SPOCD1: variants seen among roughly 807,000 people sequenced by gnomAD.
The protein encoded by SPOCD1 is SPOC domain-containing protein 1.
SPOCD1 carries 64 observed loss-of-function variants against 92.2 expected under a neutral mutation model. The ratio of observed to expected loss-of-function variants is 0.69; its 90% CI spans 0.57 to 0.86. The LOEUF (loss-of-function observed/expected upper bound fraction) is 0.86, where lower values mean the gene tolerates loss of function less well. Ranked by LOEUF, SPOCD1 falls within the 40% of genes least tolerant of loss-of-function variation. The pLI is 0.00. For synonymous variants in SPOCD1, 578 were observed against 619.3 expected (o/e 0.93, Z 0.99); for missense variants, 1,360 against 1,543.1 (o/e 0.88, Z 1.99).
chr1:31,807,690 C>T (rs548012132), intron 2 of SPOCD1, among the ~76,000 whole-genome samples: 4 of 151,726 alleles, frequency 2.6e-5, no homozygotes, highest in East Asian at 3.9e-4. Flanking sequence ...TGACAACAAA[C>T]ATATAGTGGA....
chr1:31,793,347 G>A lies in SPOCD1; in HGVS notation c.2616C>T (p.Asp872=), dbSNP rs1408744039. The change falls in exon 13 of 16, where the codon GAC becomes GAT. Residue 872 remains aspartate, a synonymous_variant. Coordinates refer to ENST00000360482, the MANE Select transcript of SPOCD1 (RefSeq NM_144569.7). Reference sequence around the variant, plus strand: ...CCCGGAACCGCTTGATGGAGAACATGTCCAGAACACCTTCCCAGGGTGGCA... The same window carrying A: ...CCCGGAACCGCTTGATGGAGAACATATCCAGAACACCTTCCCAGGGTGGCA... The part of the protein sequence containing the change: ...PCLPPWEGVL[D]MFSIKRFRAR... 4 of 1,591,970 alleles carry A rather than the reference G, an allele frequency of 2.5e-6. No homozygotes were observed. The African/African-American group carries it at 4.0e-5, about 16-fold the overall frequency.
intron 1 of SPOCD1, 44 bp from the exon 2 acceptor site, chr1:31,815,416 A>C: frequency 7.2e-7 from 1 of 1,392,332 alleles, no homozygotes; most frequent in East Asian, 2.4e-5. Flanking sequence ...GGAGAGTCCG[A>C]CCTGTCAGCC....
At chr1:31,792,038 TG>T in intron 15 of SPOCD1, 176 bp downstream of exon 15, 1 of 661,872 alleles carries the variant, frequency 1.5e-6, no homozygotes, top group Non-Finnish European at 2.6e-6. Flanking sequence ...ATGGCTGGCA[TG>T]CAGTTCATGA....
chr1:31,809,507 G>A (rs1434387060), intron 2 of SPOCD1, among the ~76,000 whole-genome samples: 1 of 149,062 alleles, frequency 6.7e-6, no homozygotes, highest in Non-Finnish European at 1.5e-5. Context: ...AACTATCACA[G>A]CAGCACTATA....
chr1:31,815,918 A>T (rs1649535656), intron 1 of SPOCD1, 43 bp downstream of exon 1: 1 of 123,898 alleles, frequency 8.1e-6, no homozygotes, highest in Admixed American at 7.7e-5. Context: ...ACAGTCCCCC[A>T]GCATCCAAGA....
Position 31,798,554 on chromosome 1 carries a change from C to A in SPOCD1, c.1916G>T (p.Gly639Val), listed in dbSNP as rs756285560. Residue 639 changes from glycine (G) to valine (V), a missense_variant, in exon 8 of 16, where the codon GGC (glycine) becomes GTC (valine). By Grantham distance (109) the Gly-to-Val change is moderately radical (BLOSUM62 -3). Around this residue, in one of 3 missense-constraint regions of SPOCD1, gnomAD observed 614 missense variants for 757.8 expected, o/e 0.81. Coordinates refer to ENST00000360482, the MANE Select transcript of SPOCD1 (RefSeq NM_144569.7). This position sits in a 1 kb window ranked among gnomAD's most constrained non-coding sequence, Gnocchi z 4.1. The stretch of plus-strand genomic sequence containing the variant: ...GGCTGCCTCAATGCCAGCAGCAATG[C>A]CCTCCACCACCTCCTCACTCAGCAC... Reference protein sequence around the residue: ...DPVLSEEVVEGIAAGIEAALW... With the variant: ...DPVLSEEVVEVIAAGIEAALW... 1 of 1,613,660 alleles carries A rather than the reference C, an allele frequency of 6.2e-7. No homozygotes were observed. The highest frequency in any genetic ancestry group is 8.5e-7 in the Non-Finnish European group (1 of 1,179,986).
intron 11 of SPOCD1, 98 bp downstream of exon 11, chr1:31,794,026 C>T (rs1048915814): frequency 6.6e-7 from 1 of 1,506,960 alleles, no homozygotes; most frequent in Non-Finnish European, 9.1e-7. Context: ...CCTGCTCTGC[C>T]ACCCTCTCCC....
intron 2 of SPOCD1, among the ~76,000 whole-genome samples, chr1:31,802,454 C>A (rs1030786368): frequency 6.6e-6 from 1 of 152,152 alleles, no homozygotes; most frequent in African/African-American, 2.4e-5. Flanking sequence ...AGTATTAGAA[C>A]CTAGCTCTGT....
Position 31,798,528 on chromosome 1 carries a change from G to A in SPOCD1, c.1942C>T (p.Leu648Phe). 1.2e-6 allele frequency: 2 copies of A among 1,613,908 alleles called. No homozygotes were observed. The highest frequency in any genetic ancestry group is 1.7e-6 in the Non-Finnish European group (2 of 1,180,032). ...EGIAAGIEAALWDLTQGTNGR... is the reference protein window; with the variant it reads ...EGIAAGIEAAFWDLTQGTNGR... ...TTGGTGCCTTGTGTCAGGTCCCAGA[G>A]GGCTGCCTCAATGCCAGCAGCAATG... Residue 648 changes from leucine (L) to phenylalanine (F), a missense_variant, in exon 8 of 16, where the codon CTC (leucine) becomes TTC (phenylalanine). Physicochemically the swap from Leu to Phe is conservative, Grantham distance 22. Coordinates refer to ENST00000360482, the MANE Select transcript of SPOCD1 (RefSeq NM_144569.7). The surrounding 1 kb of genome is among the most constrained non-coding windows in gnomAD (Gnocchi z 4.1).
In SPOCD1 at chr1:31,814,523, G is replaced by A. The variant is rs745406369; in HGVS notation, c.811C>T (p.Pro271Ser). The A allele has an allele frequency of 6.5e-7, 1 of 1,537,782 alleles. No individual in the cohort carries two copies. Among genetic ancestry groups the A allele is most frequent in the South Asian group, 1.3e-5 (1 of 78,700 alleles). Residue 271 changes from proline to serine, a missense_variant, in exon 2 of 16, where the codon CCA (proline) becomes TCA (serine). Coordinates refer to ENST00000360482, the MANE Select transcript of SPOCD1 (RefSeq NM_144569.7). This position sits in a 1 kb window ranked among gnomAD's most constrained non-coding sequence, Gnocchi z 4.2. ...PKDTGSGPGE[P>S]GGSGAGCASG... ...GCACATCCTGCCCCACTTCCACCTG[G>A]CTCTCCAGGCCCAGACCCAGTGTCT...
chr1:31,804,969 T>TTTTC (rs1328456612), intron 2 of SPOCD1, among the ~76,000 whole-genome samples: 4 of 121,842 alleles, frequency 3.3e-5, no homozygotes, highest in South Asian at 2.9e-4. Context: ...CAAATTTCTT[T>TTTTC]TTTCTTTCTT....
rs1376428303 is a variant in SPOCD1 at position 31,814,273 on chromosome 1, C to T, written c.1061G>A (p.Gly354Asp). 6.3e-7 allele frequency: 1 copy of T among 1,580,818 alleles called. No individual in the cohort carries two copies. Among genetic ancestry groups the T allele is most frequent in the South Asian group, 1.1e-5 (1 of 87,930 alleles). The part of the protein sequence containing the change: ...VCVVRTGSDE[G>D]QAPAQDQEEL... ...CTCCTGGTCCTGTGCTGGAGCCTGG[C>T]CTTCATCGCTGCCAGTCCGCACGAC... is the stretch of plus-strand genomic sequence containing the variant. Residue 354 changes from glycine to aspartate, a missense_variant, in exon 2 of 16, where the codon GGC (glycine) becomes GAC (aspartate). Physicochemically the swap from Gly to Asp is moderately conservative, Grantham distance 94 (BLOSUM62 -1). This residue lies in a region of SPOCD1 where 606 missense variants were observed against 601.5 expected (regional missense o/e 1.01). Transcript: ENST00000360482. The surrounding 1 kb of genome is among the most constrained non-coding windows in gnomAD (Gnocchi z 4.2).
intron 2 of SPOCD1, 62 bp from the exon 3 acceptor site, chr1:31,801,767 A>G: frequency 7.4e-7 from 1 of 1,345,156 alleles, no homozygotes; most frequent in Non-Finnish European, 1.1e-6. Flanking sequence ...CATGGCAGGG[A>G]ATTCACAAAA....
intron 2 of SPOCD1, among the ~76,000 whole-genome samples, chr1:31,802,775 T>C (rs750622639): frequency 6.6e-6 from 1 of 152,140 alleles, no homozygotes; most frequent in African/African-American, 2.4e-5. Context: ...TTCAGAACAA[T>C]ACGTGTGGTG....
At position 31,794,236 on chromosome 1, in the gene SPOCD1, C is replaced by T; in HGVS notation, c.2272-1G>A. ...TGCAGTCCATGAACATCTGCGGTCC[C>T]TGGGAGGCAGAAGACAGAGGGGCAG... is the stretch of plus-strand genomic sequence containing the variant. On this transcript the variant is annotated splice_acceptor_variant, in intron 10 of 15. Transcript: ENST00000360482. LOFTEE classifies it high-confidence loss of function. 3 of 1,608,348 alleles carry T rather than the reference C, an allele frequency of 1.9e-6. No homozygotes were observed. Among genetic ancestry groups the T allele is most frequent in the Non-Finnish European group, 2.6e-6 (3 of 1,175,530 alleles).
chr1:31,794,481 T>C (rs1343067045), intron 10 of SPOCD1: 1 of 266,422 alleles, frequency 3.8e-6, no homozygotes, highest in Non-Finnish European at 6.8e-6. Context: ...CTTTACAATC[T>C]TTTTCTTTTT....
intron 15 of SPOCD1, 132 bp from the exon 16 acceptor site, chr1:31,791,423 A>T: frequency 1.4e-6 from 1 of 690,330 alleles, no homozygotes; most frequent in Non-Finnish European, 2.2e-6. Context: ...GCTGTCTCGG[A>T]AGATTTGAGC....
Position 31,800,153 on chromosome 1 carries a change from G to T in SPOCD1, c.1603-12C>A. ...GAAGGCTGGAAAACCTTGGGGCAGG[G>T]AGCAGACAAGCTATTGGCCGGAAAT... On this transcript the variant is annotated splice_polypyrimidine_tract_variant and intron_variant, in intron 4 of 15. Transcript: ENST00000360482. 1.3e-6 allele frequency: 2 copies of T among 1,586,912 alleles called. No individual in the cohort carries two copies. The highest frequency in any genetic ancestry group is 2.3e-5 in the South Asian group (2 of 88,274).
At chr1:31,808,769 T>A (rs764680845) in intron 2 of SPOCD1, among the ~76,000 whole-genome samples, 1 of 152,132 alleles carries the variant, frequency 6.6e-6, no homozygotes, top group Non-Finnish European at 1.5e-5. Context: ...TTTGTCTACA[T>A]AGAAAACAAA....
Sources: gnomAD v4.1 joint callset for allele counts (sites outside exome capture counted in the v4.1 genomes callset) on GRCh38, gnomAD v4.1.1 for gene constraint, gnomAD v4.1.1 regional missense constraint, Gnocchi (gnomAD v3.1) non-coding constraint, MANE v1.5 for transcripts, NCBI Gene and HGNC (gene_info 2026-07-23, HGNC 2026-07-21) for gene names.